KIF18A: variants seen among roughly 807,000 people sequenced by gnomAD.
KIF18A encodes the protein kinesin family member 18A, also known as kinesin-like protein KIF18A.
A neutral mutation model predicts 103.3 loss-of-function variants in KIF18A; 67 were observed. That is an observed-to-expected ratio of 0.65 (90% CI 0.53 to 0.79). KIF18A has a LOEUF of 0.79. KIF18A is among the 30% of genes least tolerant of loss of function. The pLI, the probability that KIF18A is intolerant of heterozygous loss-of-function variation, is 0.00. For synonymous variants in KIF18A, 367 were observed against 355.5 expected, an observed-to-expected ratio of 1.03 and a Z score of -0.36; for missense variants, 1,032 against 1,062.5, an observed-to-expected ratio of 0.97 and a Z score of 0.40.
chr11:28,094,911 C>T lies in KIF18A; in HGVS notation c.326-111G>A. 3.9e-6 allele frequency: 4 copies of T among 1,020,830 alleles called. No individual in the cohort carries two copies. The South Asian group carries it at 4.2e-5, about 11-fold the overall frequency. 63.2% of individuals were successfully genotyped at this position (1,020,830 alleles called of 1,614,324 possible). A position where few individuals can be genotyped will look rare whatever the true frequency, so the allele number is the denominator to read the frequency against. On this transcript the variant is annotated intron_variant, in intron 2 of 16. Coordinates refer to ENST00000263181, the MANE Select transcript of KIF18A (RefSeq NM_031217.4). ...ATATCCTGAACAGTATCTTTAAACC[C>T]TACAAATCCAAAATTATAGTCTTAT...
At position 28,047,366 on chromosome 11, in the gene KIF18A, C is replaced by A. The variant is rs192856695; in HGVS notation, c.1949-10702G>T. Among the ~76,000 whole-genome samples the A allele has an allele frequency of 1.3e-3, 201 of 152,122 alleles. 4 individuals are homozygous for A. The East Asian group carries it at 0.033, about 25-fold the overall frequency. ...CTCAAGCAAGATAAGGCCTTACGTA[C>A]TTTAACTATGACATTTCTATGTCAT... On this transcript the variant is annotated intron_variant, in intron 13 of 16. Transcript: ENST00000263181.
intron 12 of KIF18A, among the ~76,000 whole-genome samples, chr11:28,059,517 G>A (rs1012004173): frequency 6.6e-6 from 1 of 152,002 alleles, no homozygotes; most frequent in Non-Finnish European, 1.5e-5. Flanking sequence ...TTGCAGCCTC[G>A]AACTCCTGGC....
chr11:28,021,206 T>C lies in KIF18A; in HGVS notation c.2691A>G (p.Leu897=). Residue 897 remains leucine, a synonymous_variant, in exon 17 of 17, where the codon CTA becomes CTG. Transcript: ENST00000263181. ...KFGRNISKGN[L]R is the part of the protein sequence containing the mutation. ...TGCTTGGTTTTGAAGTGATTTATCT[T>C]AGATTTCCTTTTGAAATATTTCTTC... 1 of 1,508,696 alleles carries C rather than the reference T, an allele frequency of 6.6e-7. No individual in the cohort carries two copies. Among genetic ancestry groups the C allele is most frequent in the South Asian group, 1.3e-5 (1 of 78,236 alleles). The allele number at this position is 1,508,696 out of a possible 1,614,324, so 93.5% of individuals were successfully genotyped here. A position where few individuals can be genotyped will look rare whatever the true frequency, so the allele number is the denominator to read the frequency against.
chr11:28,049,762 A>G (rs1850689237), intron 13 of KIF18A, among the ~76,000 whole-genome samples: 1 of 152,014 alleles, frequency 6.6e-6, no homozygotes, highest in Admixed American at 6.6e-5. Flanking sequence ...CTAGGCTACA[A>G]ATGATTGATA....
intron 11 of KIF18A, among the ~76,000 whole-genome samples, chr11:28,064,083 T>G (rs1186855108): frequency 6.6e-6 from 1 of 151,162 alleles, no homozygotes; most frequent in Admixed American, 6.6e-5. Context: ...ATATTAAAGT[T>G]AGGATATATT....
intron 7 of KIF18A, among the ~76,000 whole-genome samples, chr11:28,083,540 A>T (rs964396614): frequency 6.6e-6 from 1 of 152,096 alleles, no homozygotes; most frequent in Admixed American, 6.6e-5. Flanking sequence ...ATAGTTTTTC[A>T]TGCTACCCTT....
intron 3 of KIF18A, among the ~76,000 whole-genome samples, chr11:28,094,253 G>A (rs576786724): frequency 6.6e-6 from 1 of 152,176 alleles, no homozygotes; most frequent in East Asian, 1.9e-4. Flanking sequence ...TAATTATATT[G>A]TATCATTGCT....
chr11:28,069,261 T>C lies in KIF18A; in HGVS notation c.1588A>G (p.Lys530Glu), dbSNP rs1333137413. ...GLLSQNGHIPKELKKDLHCHH... is the reference protein window; with the variant it reads ...GLLSQNGHIPEELKKDLHCHH... ...TGAACATACAGAGATATTTGTACCT[T>C]TGGAATATGACCGTTTTGACTTAAG... The change falls in exon 11 of 17, where the codon AAG (lysine) becomes GAG (glutamate). Residue 530 changes from lysine (K) to glutamate (E), a missense_variant and splice_region_variant. Coordinates refer to ENST00000263181, the MANE Select transcript of KIF18A (RefSeq NM_031217.4). The C allele has an allele frequency of 6.2e-7, 1 of 1,611,160 alleles. No homozygotes were observed. Among genetic ancestry groups the C allele is most frequent in the East Asian group, 2.2e-5 (1 of 44,808 alleles).
intron 2 of KIF18A, among the ~76,000 whole-genome samples, chr11:28,096,581 T>TAG (rs1851377568): frequency 6.6e-6 from 1 of 152,160 alleles, no homozygotes; most frequent in South Asian, 2.1e-4. Context: ...TCAAAATCTC[T>TAG]AGAGACATAT....
chr11:28,042,955 T>TC (rs1490851010), intron 13 of KIF18A, among the ~76,000 whole-genome samples: 1 of 151,868 alleles, frequency 6.6e-6, no homozygotes, highest in African/African-American at 2.4e-5. Context: ...GTACTCCCTA[T>TC]CCTTTACCCT....
chr11:28,062,475 C>T lies in KIF18A; in HGVS notation c.1632G>A (p.Gln544=), dbSNP rs757787015. 1 of 1,611,618 alleles carries T rather than the reference C, an allele frequency of 6.2e-7. No individual in the cohort carries two copies. ...TAATTTGTGCTTTCAAATCTTTGTTCTGGAGGTGCAAATGGTGACAATGAA... is the reference window on the plus strand; with the variant it reads ...TAATTTGTGCTTTCAAATCTTTGTTTTGGAGGTGCAAATGGTGACAATGAA... ...KDLHCHHLHL[Q]NKDLKAQIRH... The change falls in exon 12 of 17, where the codon CAG becomes CAA. Residue 544 remains glutamine (Q), a synonymous_variant. Transcript: ENST00000263181.
chr11:28,058,902 A>C, intron 13 of KIF18A, 24 bp downstream of exon 13: 1 of 1,551,748 alleles, frequency 6.4e-7, no homozygotes, highest in South Asian at 1.1e-5. Context: ...GTTACTATTT[A>C]CTTAAAACGA....
intron 13 of KIF18A, among the ~76,000 whole-genome samples, chr11:28,049,743 T>C (rs945605268): frequency 1.3e-5 from 2 of 152,016 alleles, no homozygotes; most frequent in Non-Finnish European, 2.9e-5. Flanking sequence ...TACATTTCAA[T>C]AAAAACTTCT....
chr11:28,107,415 T>C (rs1474823681), intron 1 of KIF18A, among the ~76,000 whole-genome samples: 1 of 151,486 alleles, frequency 6.6e-6, no homozygotes, highest in Non-Finnish European at 1.5e-5. Flanking sequence ...AAGAACAGAC[T>C]ATAGGACTGA....
chr11:28,037,927 G>T (rs1423395427), intron 13 of KIF18A, among the ~76,000 whole-genome samples: 2 of 151,342 alleles, frequency 1.3e-5, no homozygotes, highest in East Asian at 3.9e-4. Context: ...TAGTTGCCTT[G>T]TTCTACACAG....
chr11:28,080,348 GT>G lies in KIF18A; in HGVS notation c.1262+2507del, dbSNP rs34970405. Among the ~76,000 whole-genome samples, 429 of 138,112 alleles carry G rather than the reference GT, an allele frequency of 3.1e-3. 3 individuals carry two copies. Among genetic ancestry groups the G allele is most frequent in the African/African-American group, 6.2e-3 (229 of 37,054 alleles). 90.6% of individuals were successfully genotyped at this position (138,112 alleles called of 152,430 possible). ...TGTTTTATTGTGCTTTGCAGACACTGTTTTTTTTTTTTTTTTTTAAACAAAC... is the reference window on the plus strand; with the variant it reads ...TGTTTTATTGTGCTTTGCAGACACTGTTTTTTTTTTTTTTTTTAAACAAAC... On this transcript the variant is annotated intron_variant, in intron 9 of 16. Transcript: ENST00000263181.
At chr11:28,082,077 G>A (rs997417310) in intron 9 of KIF18A, among the ~76,000 whole-genome samples, 1 of 152,094 alleles carries the variant, frequency 6.6e-6, no homozygotes, top group African/African-American at 2.4e-5. Context: ...TTGAAGAAAT[G>A]AAGAGCTGCT....
At chr11:28,097,579 G>A in intron 2 of KIF18A, 44 bp downstream of exon 2, 8 of 1,282,396 alleles carry the variant, frequency 6.2e-6, no homozygotes, top group Non-Finnish European at 9.1e-6. Context: ...TAATGCAAAA[G>A]TGAAATCGGA....
rs552106673 is a variant in KIF18A, at chr11:28,036,907, T to G, written c.1949-243A>C. Among the ~76,000 whole-genome samples the G allele has an allele frequency of 7.8e-4, 119 of 151,666 alleles. 1 individual carries two copies. The highest frequency in any genetic ancestry group is 6.8e-4 in the Non-Finnish European group (46 of 67,682). On this transcript the variant is annotated intron_variant, in intron 13 of 16. Transcript: ENST00000263181. ...TATATTGCTAATATCAATATTAATT[T>G]ATAGGTATAGCTTTCTTGAGATATT...
Sources: gnomAD v4.1 joint callset for allele counts (sites outside exome capture counted in the v4.1 genomes callset) on GRCh38, gnomAD v4.1.1 for gene constraint, MANE v1.5 for transcripts, NCBI Gene and HGNC (gene_info 2026-07-23, HGNC 2026-07-21) for gene names.